PLXDC1: variants seen among roughly 807,000 people sequenced by gnomAD.
The protein encoded by PLXDC1 is plexin domain containing 1, also known as plexin domain-containing protein 1.
A neutral mutation model predicts 61.3 loss-of-function variants in PLXDC1; 39 were observed. That is an observed-to-expected ratio of 0.64 (90% CI 0.49 to 0.83). The LOEUF is 0.83. Ranked by LOEUF, PLXDC1 falls within the 40% of genes least tolerant of loss-of-function variation. The pLI, the probability that PLXDC1 is intolerant of heterozygous loss-of-function variation, is 0.00. For missense variants in PLXDC1, 596 were observed against 666.5 expected (o/e 0.89, Z 1.17); for synonymous variants, 212 against 254.5 (o/e 0.83, Z 1.59).
chr17:39,104,028 T>C (rs929500507), intron 7 of PLXDC1, among the ~76,000 whole-genome samples: 15 of 152,186 alleles, frequency 9.9e-5, no homozygotes, highest in Non-Finnish European at 1.9e-4. Context: ...GACACCAGCA[T>C]GAGGACACTG....
chr17:39,103,158 T>C (rs1910483822), intron 7 of PLXDC1, among the ~76,000 whole-genome samples: 1 of 149,810 alleles, frequency 6.7e-6, no homozygotes, highest in Non-Finnish European at 1.5e-5. Context: ...GAGCTTGCAG[T>C]GAGCTGAGAT....
At chr17:39,091,228 G>C (rs376178910) in intron 7 of PLXDC1, among the ~76,000 whole-genome samples, 35 of 152,282 alleles carry the variant, frequency 2.3e-4, no homozygotes, top group African/African-American at 7.7e-4. Context: ...GAATGGACTG[G>C]GGACCCTGGA....
Position 39,128,105 on chromosome 17 carries a change from ATATATATATGTATATATATATGTG to A in PLXDC1, c.255+11525_255+11548del, listed in dbSNP as rs1368066590. Among the ~76,000 whole-genome samples the A allele has an allele frequency of 3.1e-4, 25 of 81,792 alleles. 1 individual carries two copies. Among genetic ancestry groups the A allele is most frequent in the African/African-American group, 1.3e-3 (25 of 18,764 alleles). 53.7% of individuals were successfully genotyped at this position (81,792 alleles called of 152,430 possible). A position where few individuals can be genotyped will look rare whatever the true frequency, so the allele number is the denominator to read the frequency against. ...TCTCTCTCTCTCTATGTGTATATATATATATATATGTATATATATATGTGTATATATATGTATATATATGTGTGT... is the reference window on the plus strand; with the variant it reads ...TCTCTCTCTCTCTATGTGTATATATATATATATATGTATATATATGTGTGT... On this transcript the variant is annotated intron_variant, in intron 2 of 13. Transcript: ENST00000315392.
rs553513409 is a variant in PLXDC1, at chr17:39,102,705, TACACACAC to T, written c.811+3141_811+3148del. 8.8e-5 allele frequency among the ~76,000 whole-genome samples: 12 copies of T among 136,154 alleles called. 1 individual carries two copies. The highest frequency in any genetic ancestry group is 3.7e-4 in the Admixed American group (5 of 13,498). 89.3% of individuals were successfully genotyped at this position (136,154 alleles called of 152,430 possible). On this transcript the variant is annotated intron_variant, in intron 7 of 13. Transcript: ENST00000315392. ...AACACTGACATCGTATGCTATCAAA[TACACACAC>T]ACACACACACACACACACACACACA...
intron 2 of PLXDC1, among the ~76,000 whole-genome samples, chr17:39,128,107 A>ATATATATATATATATACATATATATG (rs1291982693): frequency 0.044 from 4,404 of 100,474 alleles, 388 homozygotes; most frequent in East Asian, 0.09. Context: ...GTATATATAT[A>ATATATATATATATATACATATATATG]TATATATGTA....
At chr17:39,107,242 G>A (rs138546309) in intron 6 of PLXDC1, among the ~76,000 whole-genome samples, 165 bp downstream of exon 6, 172 of 152,236 alleles carry the variant, frequency 1.1e-3, no homozygotes, top group Non-Finnish European at 1.8e-3. Context: ...GTCCACCTCC[G>A]CAACCAGACT....
At chr17:39,086,269 T>C (rs1486355483) in intron 8 of PLXDC1, among the ~76,000 whole-genome samples, 2 of 152,256 alleles carry the variant, frequency 1.3e-5, no homozygotes, top group African/African-American at 4.8e-5. Context: ...GGTTGGGGTA[T>C]GGCTGTGACC....
intron 2 of PLXDC1, among the ~76,000 whole-genome samples, chr17:39,117,241 G>A (rs1159492453): frequency 6.6e-6 from 1 of 152,158 alleles, no homozygotes; most frequent in East Asian, 1.9e-4. Context: ...GAATGAACAC[G>A]TGTGCTTCAA....
At chr17:39,135,602 C>T (rs893472870) in intron 2 of PLXDC1, among the ~76,000 whole-genome samples, 3 of 150,596 alleles carry the variant, frequency 2.0e-5, no homozygotes, top group African/African-American at 4.9e-5. Context: ...ACTTGAACCT[C>T]GGAGCCAGAG....
At chr17:39,086,859 C>CAAAAAAAAAAAAAAAAAAAAAAAAAAA (rs765774886) in intron 8 of PLXDC1, among the ~76,000 whole-genome samples, 2 of 71,520 alleles carry the variant, frequency 2.8e-5, no homozygotes, top group Non-Finnish European at 4.9e-5. Context: ...GAGACTGTCT[C>CAAAAAAAAAAAAAAAAAAAAAAAAAAA]AAAAAAAAAA....
At chr17:39,089,563 T>C (rs571543887) in intron 7 of PLXDC1, among the ~76,000 whole-genome samples, 16 of 152,312 alleles carry the variant, frequency 1.1e-4, no homozygotes, top group African/African-American at 3.4e-4. Context: ...TGCACCCCCC[T>C]TTTCCATTTA....
In PLXDC1 at chr17:39,090,163, G is replaced by A. The variant is rs940952788; in HGVS notation, c.812-2461C>T. Among the ~76,000 whole-genome samples the A allele has an allele frequency of 4.6e-5, 7 of 152,212 alleles. No individual in the cohort carries two copies. The East Asian group carries it at 9.6e-4, about 21-fold the overall frequency. On this transcript the variant is annotated intron_variant, in intron 7 of 13. Transcript: ENST00000315392. Reference sequence around the variant, plus strand: ...TCCCTCCTACTTAACCCAGGACTGCGCCCCCGTGGGTCTGGCACCAAAGCA... The same window carrying A: ...TCCCTCCTACTTAACCCAGGACTGCACCCCCGTGGGTCTGGCACCAAAGCA...
chr17:39,104,135 T>C (rs1319254559), intron 7 of PLXDC1, among the ~76,000 whole-genome samples: 1 of 152,226 alleles, frequency 6.6e-6, no homozygotes, highest in African/African-American at 2.4e-5. Context: ...GATATTCTTA[T>C]ACCGGACTCA....
Position 39,139,737 on chromosome 17 carries a change from G to A in PLXDC1, c.172C>T (p.Pro58Ser). The A allele has an allele frequency of 6.2e-7, 1 of 1,614,014 alleles. No individual in the cohort carries two copies. The highest frequency in any genetic ancestry group is 8.5e-7 in the Non-Finnish European group (1 of 1,180,002). The change falls in exon 2 of 14, where the codon CCG becomes TCG. Residue 58 changes from proline (P) to serine (S), a missense_variant. Physicochemically the swap from Pro to Ser is moderately conservative, Grantham distance 74. Coordinates refer to ENST00000315392, the MANE Select transcript of PLXDC1 (RefSeq NM_020405.5). ...ARESPGHVSE[P>S]DRTQLSQDLG... is the part of the protein sequence containing the mutation. ...TCCTGGCTCAGCTGGGTCCTGTCCG[G>A]CTCTGACACATGCCCAGGGCTCTCT...
intron 7 of PLXDC1, among the ~76,000 whole-genome samples, chr17:39,103,013 G>A (rs933470681): frequency 2.6e-5 from 4 of 152,146 alleles, no homozygotes; most frequent in Admixed American, 2.0e-4. Context: ...TCAGGAGATT[G>A]AGACCATCCT....
chr17:39,129,741 G>GAAAGAAAGAAAGAAAGAAAGAAAGAAA (rs1168985590), intron 2 of PLXDC1, among the ~76,000 whole-genome samples: 1 of 39,544 alleles, frequency 2.5e-5, no homozygotes. Context: ...AAGAAAGAAA[G>GAAAGAAAGAAAGAAAGAAAGAAAGAAA]GAAAGAAAAG....
At chr17:39,127,883 A>C (rs1032597230) in intron 2 of PLXDC1, among the ~76,000 whole-genome samples, 3 of 134,270 alleles carry the variant, frequency 2.2e-5, no homozygotes, top group Non-Finnish European at 4.6e-5. Context: ...GCGTGAACCG[A>C]GGAGGTGGAG....
At chr17:39,104,139 G>A (rs1304037138) in intron 7 of PLXDC1, among the ~76,000 whole-genome samples, 3 of 152,086 alleles carry the variant, frequency 2.0e-5, no homozygotes, top group East Asian at 3.8e-4. Context: ...TTCTTATACC[G>A]GACTCACAGA....
At chr17:39,147,246 G>A (rs2045348223) in intron 1 of PLXDC1, among the ~76,000 whole-genome samples, 2 of 152,006 alleles carry the variant, frequency 1.3e-5, no homozygotes, top group African/African-American at 2.4e-5. Context: ...GCGGGCCACC[G>A]CGCCCAGCCG....
Sources: gnomAD v4.1 joint callset for allele counts (sites outside exome capture counted in the v4.1 genomes callset) on GRCh38, gnomAD v4.1.1 for gene constraint, MANE v1.5 for transcripts, NCBI Gene and HGNC (gene_info 2026-07-23, HGNC 2026-07-21) for gene names.